The following PTCH1 variants were observed in gnomAD, a reference collection of about 807,000 sequenced individuals.
PTCH1 encodes patched 1, also known as protein patched homolog 1.
A neutral mutation model predicts 144.6 loss-of-function variants in PTCH1; 14 were observed. The ratio of observed to expected loss-of-function variants is 0.10; its 90% CI spans 0.06 to 0.15. PTCH1 has a LOEUF of 0.15. Among genes scored for constraint, PTCH1 ranks in the 10% least tolerant of loss-of-function variants. The pLI is 1.00. For synonymous variants in PTCH1, 833 were observed against 793.6 expected (o/e 1.05, Z -0.83); for missense variants, 1,623 against 1,948.3 (o/e 0.83, Z 3.14).
At chr9:95,512,449 A>T (rs996855147), upstream of PTCH1, among the ~76,000 whole-genome samples, 6 of 145,180 alleles carry the variant, frequency 4.1e-5, no homozygotes, top group African/African-American at 1.5e-4. Flanking sequence ...TGAGGATCTA[A>T]TTGGCCTTGT....
rs1843652060 is a variant in PTCH1, at chr9:95,506,448, G to C, written c.353C>G (p.Ala118Gly). 1 of 1,613,030 alleles carries C rather than the reference G, an allele frequency of 6.2e-7. No individual in the cohort carries two copies. The highest frequency in any genetic ancestry group is 8.5e-7 in the Non-Finnish European group (1 of 1,179,622). ...CTCCACGTTGGTCTCGAGGTTCGCTGCTTTTAATCCCACCGCGAAGGCCCC... is the reference window on the plus strand; with the variant it reads ...CTCCACGTTGGTCTCGAGGTTCGCTCCTTTTAATCCCACCGCGAAGGCCCC... Reference protein sequence around the residue: ...IFGAFAVGLKAANLETNVEEL... With the variant: ...IFGAFAVGLKGANLETNVEEL... Residue 118 changes from alanine (A) to glycine (G), a missense_variant, in exon 2 of 24, where the codon GCA (alanine) becomes GGA (glycine). Ala to Gly is a moderately conservative substitution (Grantham distance 60). This residue lies in a region of PTCH1 where 245 missense variants were observed against 240.6 expected (regional missense o/e 1.02). Coordinates refer to ENST00000331920, the MANE Select transcript of PTCH1 (RefSeq NM_000264.5).
chr9:95,516,484 A>G, exon 1 of PTCH1: 3 of 1,528,468 alleles, frequency 2.0e-6, no homozygotes, highest in Non-Finnish European at 2.6e-6. Flanking sequence ...CCGGCCGTCA[A>G]CCCCTGCTCG....
At chr9:95,507,455 A>C in intron 1 of PTCH1, 10 of 984,532 alleles carry the variant, frequency 1.0e-5, no homozygotes, top group Non-Finnish European at 1.1e-5. Context: ...TCGTAAACAC[A>C]ATGAACCCGG....
Position 95,508,038 on chromosome 9 carries a change from AGTGAGTGT to A in PTCH1, c.201+115_201+122del, listed in dbSNP as rs71366292. 336,171 of 1,355,516 alleles carry A rather than the reference AGTGAGTGT, an allele frequency of 0.25. 36,378 individuals carry two copies. Among genetic ancestry groups the A allele is most frequent in the African/African-American group, 0.28 (14,261 of 51,078 alleles). 84.0% of individuals were successfully genotyped at this position (1,355,516 alleles called of 1,614,324 possible). A position where few individuals can be genotyped will look rare whatever the true frequency, so the allele number is the denominator to read the frequency against. On this transcript the variant is annotated intron_variant, in intron 1 of 23. Coordinates refer to ENST00000331920, the MANE Select transcript of PTCH1 (RefSeq NM_000264.5). ...CTGCTGCTTTTCCTGGAGAGGTGTGAGTGAGTGTGTGTGTGTGTGTGAGAGAGAGAGGA... is the reference window on the plus strand; with the variant it reads ...CTGCTGCTTTTCCTGGAGAGGTGTGAGTGTGTGTGTGTGAGAGAGAGAGGA...
At chr9:95,459,966 G>C in intron 16 of PTCH1, 183 bp from the exon 17 acceptor site, 1 of 696,964 alleles carries the variant, frequency 1.4e-6, no homozygotes, top group South Asian at 1.6e-5. Flanking sequence ...ACTTATCGGA[G>C]GATGCAATCA....
intron 12 of PTCH1, among the ~76,000 whole-genome samples, chr9:95,475,008 T>G (rs1435512671): frequency 2.0e-5 from 3 of 152,128 alleles, no homozygotes; most frequent in African/African-American, 7.2e-5. Flanking sequence ...GTTTTGAAAT[T>G]TGAAATTAAT....
chr9:95,453,370 TCCACCCG>T, intron 20 of PTCH1, 101 bp downstream of exon 20: 5 of 1,531,770 alleles, frequency 3.3e-6, no homozygotes, highest in Non-Finnish European at 3.6e-6. Context: ...GACCTTCTGA[TCCACCCG>T]CCTCGGCCTC....
At chr9:95,501,013 C>T (rs1450547306) in intron 2 of PTCH1, among the ~76,000 whole-genome samples, 1 of 152,166 alleles carries the variant, frequency 6.6e-6, no homozygotes, top group African/African-American at 2.4e-5. Context: ...TTATCTGGGT[C>T]TATAAATACA....
upstream of PTCH1, among the ~76,000 whole-genome samples, chr9:95,510,635 G>A (rs2118930674): frequency 6.6e-6 from 1 of 151,992 alleles, no homozygotes; most frequent in East Asian, 1.9e-4. Flanking sequence ...TTTTTTAAAC[G>A]GGGTTGAACT....
chr9:95,507,630 A>G (rs1391099737), intron 1 of PTCH1: 1 of 257,334 alleles, frequency 3.9e-6, no homozygotes, highest in Non-Finnish European at 6.1e-6. Context: ...GCTCAACAAA[A>G]CCAAAACTGG....
At chr9:95,455,165 C>T (rs1345934365) in intron 19 of PTCH1, among the ~76,000 whole-genome samples, 1 of 152,170 alleles carries the variant, frequency 6.6e-6, no homozygotes, top group African/African-American at 2.4e-5. Context: ...ATATTATTGG[C>T]TTTTTATGAT....
chr9:95,469,979 A>C (rs1352131519), intron 12 of PTCH1, 48 bp from the exon 13 acceptor site: 22 of 1,286,786 alleles, frequency 1.7e-5, no homozygotes, highest in Non-Finnish European at 2.5e-5. Context: ...CCTCCGCCCA[A>C]TCAGAGGACT....
intron 2 of PTCH1, among the ~76,000 whole-genome samples, chr9:95,490,527 A>ACACC (rs1436017794): frequency 3.9e-4 from 54 of 137,872 alleles, no homozygotes; most frequent in African/African-American, 1.4e-3. Flanking sequence ...TGTGACACAC[A>ACACC]CACACACACA....
intron 2 of PTCH1, among the ~76,000 whole-genome samples, chr9:95,493,879 ATCTCTTTTAT>A (rs1842608303): frequency 6.6e-6 from 1 of 151,852 alleles, no homozygotes; most frequent in South Asian, 2.1e-4. Context: ...TCTCCCACCC[ATCTCTTTTAT>A]TCAGGAGGAG....
intron 23 of PTCH1, 174 bp from the exon 24 acceptor site, chr9:95,446,565 G>A: frequency 1.1e-5 from 5 of 445,006 alleles, no homozygotes; most frequent in South Asian, 7.4e-5. Flanking sequence ...CTGGGGGCTG[G>A]TTACACGGAT....
Position 95,477,695 on chromosome 9 carries a change from T to A in PTCH1, c.1355A>T (p.Tyr452Phe). Residue 452 changes from tyrosine to phenylalanine, a missense_variant, in exon 10 of 24, where the codon TAT becomes TTT. Around this residue, in one of 7 missense-constraint regions of PTCH1, gnomAD observed 135 missense variants for 228.7 expected, o/e 0.59. Coordinates refer to ENST00000331920, the MANE Select transcript of PTCH1 (RefSeq NM_000264.5). ...CCAGCGCAGCATGGTTAGACAGGCATAGGCGAGCTGCAAGCAGAACAATGG... is the reference window on the plus strand; with the variant it reads ...CCAGCGCAGCATGGTTAGACAGGCAAAGGCGAGCTGCAAGCAGAACAATGG... Reference protein sequence around the residue: ...VASGYLLMLAYACLTMLRWDC... With the variant: ...VASGYLLMLAFACLTMLRWDC... 1 of 1,614,130 alleles carries A rather than the reference T, an allele frequency of 6.2e-7. No homozygotes were observed. The highest frequency in any genetic ancestry group is 8.5e-7 in the Non-Finnish European group (1 of 1,180,024).
chr9:95,466,826 C>T (rs752001026), intron 15 of PTCH1, among the ~76,000 whole-genome samples: 6 of 152,182 alleles, frequency 3.9e-5, no homozygotes, highest in Non-Finnish European at 7.3e-5. Context: ...GGAAAGAGCA[C>T]CAGAAGCCTC....
At position 95,446,920 on chromosome 9, in the gene PTCH1, AGCT is replaced by A. The variant is rs1837950016; in HGVS notation, c.4333_4335del (p.Ser1446del). On this transcript the variant is annotated inframe_deletion, in exon 23 of 24. Transcript: ENST00000331920. Reference sequence around the variant, plus strand: ...TGTCAGTGGCACTCACCTCAGTTGGAGCTGCTTCCCCGGGGCCTCTCCTCGCAT... The same window carrying A: ...TGTCAGTGGCACTCACCTCAGTTGGAGCTTCCCCGGGGCCTCTCCTCGCAT... 1 of 1,613,770 alleles carries A rather than the reference AGCT, an allele frequency of 6.2e-7. No homozygotes were observed. The highest frequency in any genetic ancestry group is 1.7e-5 in the Admixed American group (1 of 60,004).
intron 1 of PTCH1, chr9:95,507,473 G>T (rs1382420890): frequency 1.0e-6 from 1 of 977,370 alleles, no homozygotes; most frequent in African/African-American, 1.8e-5. Flanking sequence ...CGGCAGCTCC[G>T]CAGACTCGCA....
Sources: gnomAD v4.1 joint callset for allele counts (sites outside exome capture counted in the v4.1 genomes callset) on GRCh38, gnomAD v4.1.1 for gene constraint, gnomAD v4.1.1 regional missense constraint, MANE v1.5 for transcripts, NCBI Gene and HGNC (gene_info 2026-07-23, HGNC 2026-07-21) for gene names.